The following CCDC171 variants were observed in gnomAD, a reference collection of about 807,000 sequenced individuals.
CCDC171 encodes the protein coiled-coil domain containing 171.
Under a neutral mutation model 168.2 loss-of-function variants are expected in CCDC171, and 177 were observed. The observed-to-expected ratio is 1.05, with a 90% CI of 0.93 to 1.19. CCDC171 has a LOEUF of 1.19. Ranked by LOEUF, CCDC171 falls within the 50% of genes most tolerant of loss-of-function variation. The probability of loss-of-function intolerance (pLI) is 0.00; values close to 1 mark genes in which losing one functional copy is unlikely to be tolerated. For missense variants in CCDC171, 1,991 were observed against 1,539.0 expected (o/e 1.29, Z -4.91); for synonymous variants, 687 against 540.8 (o/e 1.27, Z -3.75).
intron 25 of CCDC171, among the ~76,000 whole-genome samples, chr9:15,969,025 G>A (rs1010763566): frequency 1.3e-5 from 2 of 152,106 alleles, no homozygotes; most frequent in Non-Finnish European, 2.9e-5. Context: ...AGACTTTAAG[G>A]AAATCTCTCT....
intron 6 of CCDC171, among the ~76,000 whole-genome samples, chr9:15,599,558 C>G (rs2042663845): frequency 6.6e-6 from 1 of 152,182 alleles, no homozygotes; most frequent in African/African-American, 2.4e-5. Context: ...GTCACCCAAC[C>G]TTTCTGTCTG....
rs541821393 is a variant in CCDC171, at chr9:15,793,332, T to G, written c.3267+8638T>G. Among the ~76,000 whole-genome samples, 5 of 151,792 alleles carry G rather than the reference T, an allele frequency of 3.3e-5. No individual in the cohort carries two copies. In the East Asian group the frequency reaches 9.7e-4, roughly 29 times the overall value. On this transcript the variant is annotated intron_variant, in intron 21 of 25. Transcript: ENST00000380701. Reference sequence around the variant, plus strand: ...CACCCAGATTCATAAAGCAAGTCCTTAGAGACCTACAAAGAGACTTAGACT... The same window carrying G: ...CACCCAGATTCATAAAGCAAGTCCTGAGAGACCTACAAAGAGACTTAGACT...
At chr9:15,766,775 C>A (rs1418223262) in intron 18 of CCDC171, among the ~76,000 whole-genome samples, 62 of 152,272 alleles carry the variant, frequency 4.1e-4, no homozygotes, top group Non-Finnish European at 2.5e-4. Context: ...CCTGCCTGAG[C>A]CTCCTGAGTA....
At chr9:16,033,683 C>G (rs1833408000) in intron 6 of CCDC171, among the ~76,000 whole-genome samples, 1 of 152,064 alleles carries the variant, frequency 6.6e-6, no homozygotes, top group African/African-American at 2.4e-5. Context: ...AAACCATCCC[C>G]CTACCCCCCA....
chr9:15,652,262 C>T (rs2047583014), intron 7 of CCDC171, among the ~76,000 whole-genome samples: 1 of 151,840 alleles, frequency 6.6e-6, no homozygotes, highest in Non-Finnish European at 1.5e-5. Context: ...TATTTATATC[C>T]AATTGTCTCA....
the CCDC171 span, among the ~76,000 whole-genome samples, chr9:16,093,060 C>T: frequency 6.6e-6 from 1 of 152,174 alleles, no homozygotes; most frequent in African/African-American, 2.4e-5. Context: ...GAGCTATGAA[C>T]GGTTTCATTT....
intron 7 of CCDC171, among the ~76,000 whole-genome samples, chr9:15,639,869 G>C (rs1416433747): frequency 6.6e-6 from 1 of 152,132 alleles, no homozygotes; most frequent in East Asian, 1.9e-4. Context: ...CAGATGAATT[G>C]TAGTTCAGAG....
chr9:15,907,274 T>C (rs1201193723), intron 24 of CCDC171, among the ~76,000 whole-genome samples: 1 of 152,164 alleles, frequency 6.6e-6, no homozygotes, highest in Non-Finnish European at 1.5e-5. Flanking sequence ...AAGGCTACAG[T>C]AACCAAAACA....
At chr9:15,554,681 G>A (rs1165835706) in intron 1 of CCDC171, among the ~76,000 whole-genome samples, 1 of 152,154 alleles carries the variant, frequency 6.6e-6, no homozygotes, top group African/African-American at 2.4e-5. Flanking sequence ...CCCTTTAAAG[G>A]TTGATTATGT....
chr9:15,659,055 G>T (rs1158781120), intron 8 of CCDC171, among the ~76,000 whole-genome samples: 1 of 152,168 alleles, frequency 6.6e-6, no homozygotes, highest in Non-Finnish European at 1.5e-5. Context: ...AAACTCTGAA[G>T]TCTGAAGAGA....
In CCDC171 at chr9:15,689,477, G is replaced by A. The variant is rs372784150; in HGVS notation, c.1216-5758G>A. Reference sequence around the variant, plus strand: ...TGTAATCCTAGCACTTTGGGAAGCCGAGGCGGGCAGATCACTTGAGGTCTG... The same window carrying A: ...TGTAATCCTAGCACTTTGGGAAGCCAAGGCGGGCAGATCACTTGAGGTCTG... On this transcript the variant is annotated intron_variant, in intron 10 of 25. Coordinates refer to ENST00000380701, the MANE Select transcript of CCDC171 (RefSeq NM_173550.4). Among the ~76,000 whole-genome samples the A allele has an allele frequency of 1.2e-4, 19 of 152,254 alleles. No individual in the cohort carries two copies. In the South Asian group the frequency reaches 1.9e-3, roughly 15 times the overall value.
intron 1 of CCDC171, among the ~76,000 whole-genome samples, chr9:15,560,122 C>G (rs926665966): frequency 5.3e-5 from 8 of 152,102 alleles, no homozygotes; most frequent in Non-Finnish European, 8.8e-5. Flanking sequence ...GATGGGCTTC[C>G]CTTTGTGGGT....
At chr9:16,031,663 G>T (rs1833366143) in intron 6 of CCDC171, among the ~76,000 whole-genome samples, 1 of 152,180 alleles carries the variant, frequency 6.6e-6, no homozygotes, top group Non-Finnish European at 1.5e-5. Flanking sequence ...GCCCCCTGAG[G>T]ACAGCCCAGA....
intron 10 of CCDC171, among the ~76,000 whole-genome samples, chr9:15,690,391 G>A (rs2133666269): frequency 6.6e-6 from 1 of 152,272 alleles, no homozygotes; most frequent in South Asian, 2.1e-4. Context: ...CAGTATGTAT[G>A]AGAATTTAGT....
intron 10 of CCDC171, among the ~76,000 whole-genome samples, chr9:15,681,153 G>A (rs866975529): frequency 5.9e-5 from 9 of 152,154 alleles, no homozygotes; most frequent in Middle Eastern, 3.4e-3. Flanking sequence ...GTCTGCACTC[G>A]TTGTATTCAT....
intron 8 of CCDC171, among the ~76,000 whole-genome samples, chr9:15,661,296 A>AACC (rs1554742203): frequency 1.4e-5 from 2 of 141,540 alleles, no homozygotes; most frequent in Admixed American, 7.0e-5. Flanking sequence ...AAAAAAAAAA[A>AACC]AAAAGTAACA....
At position 15,809,606 on chromosome 9, in the gene CCDC171, G is replaced by A. The variant is rs981318529; in HGVS notation, c.3267+24912G>A. Among the ~76,000 whole-genome samples the A allele has an allele frequency of 2.7e-4, 41 of 152,076 alleles. 1 individual carries two copies. The highest frequency in any genetic ancestry group is 8.7e-4 in the African/African-American group (36 of 41,412). On this transcript the variant is annotated intron_variant, in intron 21 of 25. Coordinates refer to ENST00000380701, the MANE Select transcript of CCDC171 (RefSeq NM_173550.4). ...TGTGTTACAGCTCTTAAGGCGGCAC[G>A]TCTGGAGTTGTTCATTCTTCCTGTC...
the CCDC171 span, among the ~76,000 whole-genome samples, chr9:16,076,454 G>T: frequency 6.6e-6 from 1 of 152,194 alleles, no homozygotes; most frequent in Non-Finnish European, 1.5e-5. Flanking sequence ...GTGGGAGGGA[G>T]CCGGAAGCCC....
intron 9 of CCDC171, among the ~76,000 whole-genome samples, chr9:15,670,346 A>G (rs374859837): frequency 2.0e-5 from 3 of 152,298 alleles, no homozygotes; most frequent in East Asian, 3.9e-4. Context: ...GTTTTTAACT[A>G]AAATCTTGAT....
Sources: allele counts gnomAD v4.1 joint callset (sites outside exome capture counted in the v4.1 genomes callset), GRCh38; gene constraint gnomAD v4.1.1; transcripts MANE v1.5; gene names NCBI Gene and HGNC (gene_info 2026-07-23, HGNC 2026-07-21).